The following FGGY variants were observed in gnomAD, a reference collection of about 807,000 sequenced individuals.
FGGY encodes the protein FGGY carbohydrate kinase domain containing.
FGGY carries 72 observed loss-of-function variants against 71.3 expected under a neutral mutation model. The ratio of observed to expected loss-of-function variants is 1.01; its 90% CI spans 0.84 to 1.23. The LOEUF (loss-of-function observed/expected upper bound fraction) is 1.23. FGGY is among the 50% of genes most tolerant of loss of function. The pLI, the probability that FGGY is intolerant of heterozygous loss-of-function variation, is 0.00. For synonymous variants in FGGY, 251 were observed against 250.3 expected, an observed-to-expected ratio of 1.00 and a Z score of -0.02; for missense variants, 668 against 682.3, an observed-to-expected ratio of 0.98 and a Z score of 0.23.
intron 14 of FGGY, among the ~76,000 whole-genome samples, chr1:59,674,505 A>G (rs1205639570): frequency 6.6e-6 from 1 of 152,066 alleles, no homozygotes; most frequent in Non-Finnish European, 1.5e-5. Context: ...CAACCTCACC[A>G]TTTTCTAAAT....
chr1:59,661,693 G>GTTTTGTTTTTGTTTTTGT (rs370165720), intron 12 of FGGY, among the ~76,000 whole-genome samples: 38 of 148,108 alleles, frequency 2.6e-4, no homozygotes, highest in East Asian at 1.1e-3. Flanking sequence ...TTAAGAGGGT[G>GTTTTGTTTTTGTTTTTGT]TTTTGTTTTT....
intron 11 of FGGY, among the ~76,000 whole-genome samples, chr1:59,650,994 T>C (rs1558676719): frequency 6.6e-6 from 1 of 151,574 alleles, no homozygotes; most frequent in Non-Finnish European, 1.5e-5. Context: ...ATTTCTGCCT[T>C]CATTTCGTTA....
At chr1:59,590,718 G>A (rs1053739638) in intron 8 of FGGY, among the ~76,000 whole-genome samples, 1 of 152,252 alleles carries the variant, frequency 6.6e-6, no homozygotes, top group Admixed American at 6.5e-5. Flanking sequence ...TGCAGAAAAG[G>A]CCTTTGACAA....
chr1:59,667,784 A>T (rs933870055), intron 13 of FGGY, among the ~76,000 whole-genome samples: 4 of 152,206 alleles, frequency 2.6e-5, no homozygotes, highest in Non-Finnish European at 5.9e-5. Flanking sequence ...CCAGGAACTC[A>T]CAGTCTATTG....
At position 59,511,436 on chromosome 1, in the gene FGGY, A is replaced by G. The variant is rs115420630; in HGVS notation, c.671-875A>G. Among the ~76,000 whole-genome samples the G allele has an allele frequency of 4.8e-3, 732 of 152,184 alleles. 8 individuals carry two copies. The highest frequency in any genetic ancestry group is 0.017 in the African/African-American group (704 of 41,478). ...CCCCTCCCTGCAGTGCAGAAATACT[A>G]TAGAATCCTTGGGGGATGAGAGAGG... is the stretch of plus-strand genomic sequence containing the variant. On this transcript the variant is annotated intron_variant, in intron 6 of 15. Transcript: ENST00000303721.
At chr1:59,420,910 G>T (rs535688620) in intron 5 of FGGY, among the ~76,000 whole-genome samples, 3 of 151,408 alleles carry the variant, frequency 2.0e-5, no homozygotes, top group African/African-American at 4.8e-5. Context: ...TTTTTTGGGG[G>T]TATTTGTGCC....
At chr1:59,651,562 C>A (rs980822337) in intron 11 of FGGY, among the ~76,000 whole-genome samples, 1 of 147,346 alleles carries the variant, frequency 6.8e-6, no homozygotes, top group Non-Finnish European at 1.5e-5. Context: ...TTATCAGAGA[C>A]TAGGATTGCA....
intron 5 of FGGY, among the ~76,000 whole-genome samples, chr1:59,419,727 A>G (rs2065082784): frequency 6.6e-6 from 1 of 152,180 alleles, no homozygotes; most frequent in Non-Finnish European, 1.5e-5. Context: ...TTAGGTCCAG[A>G]GTTAAGCATA....
At chr1:59,296,590 G>C (rs1375490018), upstream of FGGY, 1 of 152,420 alleles carries the variant, frequency 6.6e-6, no homozygotes, top group Non-Finnish European at 1.5e-5. Flanking sequence ...GCAGCCGCGG[G>C]GTGGGCAGGC....
At chr1:59,332,854 C>T (rs1292688467) in intron 2 of FGGY, among the ~76,000 whole-genome samples, 4 of 152,312 alleles carry the variant, frequency 2.6e-5, no homozygotes, top group African/African-American at 9.6e-5. Flanking sequence ...TATGTGCTTA[C>T]GTGACACAGA....
chr1:59,699,801 C>T (rs769882572), intron 14 of FGGY, among the ~76,000 whole-genome samples: 2 of 152,142 alleles, frequency 1.3e-5, no homozygotes, highest in African/African-American at 4.8e-5. Context: ...AGGCATGTCC[C>T]GCGTTGATTG....
At chr1:59,298,324 A>T (rs1459076449) in intron 1 of FGGY, among the ~76,000 whole-genome samples, 2 of 151,892 alleles carry the variant, frequency 1.3e-5, no homozygotes, top group East Asian at 3.9e-4. Flanking sequence ...GTTATTAAGG[A>T]TGATTGGGGG....
chr1:59,601,817 C>T (rs1434254243), intron 8 of FGGY, among the ~76,000 whole-genome samples: 3 of 152,206 alleles, frequency 2.0e-5, no homozygotes, highest in African/African-American at 7.2e-5. Context: ...TTACTGAATA[C>T]TTAATCAGCT....
intron 5 of FGGY, among the ~76,000 whole-genome samples, chr1:59,427,055 A>T (rs1390812169): frequency 6.6e-6 from 1 of 152,212 alleles, no homozygotes; most frequent in Non-Finnish European, 1.5e-5. Context: ...CTGACTTTCT[A>T]CCTCACCCAC....
chr1:59,582,112 G>A (rs1279713116), intron 8 of FGGY, among the ~76,000 whole-genome samples: 1 of 149,464 alleles, frequency 6.7e-6, no homozygotes, highest in Non-Finnish European at 1.5e-5. Context: ...TGGATGTGGT[G>A]GTGGTGGGTA....
At chr1:59,657,044 C>T (rs12062386) in intron 11 of FGGY, among the ~76,000 whole-genome samples, 5,308 of 152,256 alleles carry the variant, frequency 0.035, 301 homozygotes, top group African/African-American at 0.12. Flanking sequence ...TGGAAATTCT[C>T]GTGGATATCT....
At chr1:59,296,918 C>T (rs559380624), upstream of FGGY, 1 of 152,496 alleles carries the variant, frequency 6.6e-6, no homozygotes, top group Non-Finnish European at 1.5e-5. Flanking sequence ...GTAAGTGACC[C>T]TCCTCTCAGT....
chr1:59,656,574 T>TG (rs2097220209), intron 11 of FGGY, among the ~76,000 whole-genome samples: 1 of 152,208 alleles, frequency 6.6e-6, no homozygotes, highest in Non-Finnish European at 1.5e-5. Context: ...AACAAGGACC[T>TG]CAGACCACAG....
Position 59,635,438 on chromosome 1 carries a change from T to A in FGGY, c.1074-2790T>A, listed in dbSNP as rs2096948606. ...CTGCAGTAAATGAGACAATGACGAA[T>A]CAATAATAATTAGGCCTATACGTTC... On this transcript the variant is annotated intron_variant, in intron 10 of 15. Coordinates refer to ENST00000303721, the MANE Select transcript of FGGY (RefSeq NM_018291.5). Among the ~76,000 whole-genome samples, 3 of 151,874 alleles carry A rather than the reference T, an allele frequency of 2.0e-5. No individual in the cohort carries two copies. The South Asian group carries it at 6.2e-4, about 31-fold the overall frequency.
Sources: allele counts gnomAD v4.1 joint callset (sites outside exome capture counted in the v4.1 genomes callset), GRCh38; gene constraint gnomAD v4.1.1; transcripts MANE v1.5; gene names NCBI Gene and HGNC (gene_info 2026-07-23, HGNC 2026-07-21).